Variants in UNC13B observed in about 807,000 individuals in gnomAD.
The protein encoded by UNC13B is protein unc-13 homolog B.
UNC13B carries 144 observed loss-of-function variants against 211.0 expected under a neutral mutation model. The ratio of observed to expected loss-of-function variants is 0.68; its 90% CI spans 0.60 to 0.78. UNC13B has a LOEUF of 0.78. Among genes scored for constraint, UNC13B ranks in the 30% least tolerant of loss-of-function variants. UNC13B has a pLI of 0.00. For synonymous variants in UNC13B, 709 were observed against 725.8 expected (o/e 0.98, Z 0.37); for missense variants, 1,777 against 2,002.0 (o/e 0.89, Z 2.14).
chr9:35,259,240 G>C (rs140429301), intron 7 of UNC13B, among the ~76,000 whole-genome samples, 190 bp downstream of exon 7: 4 of 152,032 alleles, frequency 2.6e-5, no homozygotes, highest in Admixed American at 2.6e-4. Context: ...GACGTTTTTC[G>C]GTTTTGTATG....
At chr9:35,398,443 C>A in intron 31 of UNC13B, 111 bp from the exon 32 acceptor site, 3 of 1,357,728 alleles carry the variant, frequency 2.2e-6, no homozygotes, top group South Asian at 1.3e-5. Flanking sequence ...TAAGGCCCTG[C>A]GAGGGAGGAA....
chr9:35,377,383 C>A, intron 15 of UNC13B, 85 bp from the exon 16 acceptor site: 2 of 1,399,232 alleles, frequency 1.4e-6, no homozygotes, highest in Non-Finnish European at 2.0e-6. Context: ...AGTTTCTCCA[C>A]TGCTCTGCAG....
intron 5 of UNC13B, among the ~76,000 whole-genome samples, chr9:35,241,968 T>G (rs1177736792): frequency 6.6e-6 from 1 of 152,182 alleles, no homozygotes; most frequent in Admixed American, 6.5e-5. Context: ...AAGGGCTATA[T>G]TTGCTTTATT....
Position 35,397,147 on chromosome 9 carries a change from C to T in UNC13B, c.11533-20C>T. 1.7e-5 allele frequency: 28 copies of T among 1,613,040 alleles called. No homozygotes were observed. The highest frequency in any genetic ancestry group is 2.3e-5 in the Non-Finnish European group (27 of 1,179,178). On this transcript the variant is annotated intron_variant, in intron 28 of 39. Transcript: ENST00000635942. ...AAGATAGCAGCTGTGGATGGTGACC[C>T]TGTGTGTGGTCTTCCTTAGTTCCAG... is the stretch of plus-strand genomic sequence containing the variant.
intron 13 of UNC13B, among the ~76,000 whole-genome samples, chr9:35,371,670 G>C (rs773163539): frequency 9.9e-5 from 15 of 151,544 alleles, no homozygotes; most frequent in Non-Finnish European, 2.1e-4. Flanking sequence ...CAAGTATCTA[G>C]TTTATTTCTT....
At chr9:35,276,168 T>C (rs1450872543) in intron 7 of UNC13B, among the ~76,000 whole-genome samples, 1 of 151,786 alleles carries the variant, frequency 6.6e-6, no homozygotes, top group Non-Finnish European at 1.5e-5. Flanking sequence ...TAGCCTGGTG[T>C]GGTGGTGTGT....
At chr9:35,288,923 A>AT (rs5897597) in intron 7 of UNC13B, among the ~76,000 whole-genome samples, 4 of 150,764 alleles carry the variant, frequency 2.7e-5, no homozygotes, top group Middle Eastern at 3.2e-3. Flanking sequence ...GTTCTATGTG[A>AT]TTTTTTTTTT....
chr9:35,255,103 A>G (rs982200390), intron 6 of UNC13B, among the ~76,000 whole-genome samples: 1 of 130,326 alleles, frequency 7.7e-6, no homozygotes, highest in Non-Finnish European at 1.6e-5. Context: ...TATTATATAT[A>G]TTTTTTCTTA....
intron 1 of UNC13B, among the ~76,000 whole-genome samples, chr9:35,204,061 C>T (rs1306183394): frequency 6.6e-6 from 1 of 152,250 alleles, no homozygotes; most frequent in Non-Finnish European, 1.5e-5. Context: ...GAGCACTGCT[C>T]TGTGCATCCT....
chr9:35,306,560 T>A lies in UNC13B; in HGVS notation c.7156T>A (p.Phe2386Ile). The change falls in exon 9 of 40, where the codon TTC (phenylalanine) becomes ATC (isoleucine). Residue 2386 changes from phenylalanine to isoleucine, a missense_variant. By Grantham distance (21) the Phe-to-Ile change is conservative. Transcript: ENST00000635942. ...ACATGCTAAACAGTTAATTGAAAAATTCAATGATTTAGACACTTGTACTAA... is the reference window on the plus strand; with the variant it reads ...ACATGCTAAACAGTTAATTGAAAAAATCAATGATTTAGACACTTGTACTAA... ...FSHAKQLIEK[F>I]NDLDTCTNCH... 2.5e-6 allele frequency: 1 copy of A among 398,916 alleles called. No individual in the cohort carries two copies. The highest frequency in any genetic ancestry group is 4.4e-6 in the Non-Finnish European group (1 of 226,026). 24.7% of individuals were successfully genotyped at this position (398,916 alleles called of 1,614,324 possible). A position where few individuals can be genotyped will look rare whatever the true frequency, so the allele number is the denominator to read the frequency against.
chr9:35,359,455 C>T (rs1587693572), intron 11 of UNC13B, among the ~76,000 whole-genome samples: 1 of 152,206 alleles, frequency 6.6e-6, no homozygotes, highest in East Asian at 1.9e-4. Context: ...ACCCAAACAT[C>T]TTCCATGAAC....
chr9:35,342,386 AG>A, intron 11 of UNC13B: 2 of 984,424 alleles, frequency 2.0e-6, no homozygotes, highest in Non-Finnish European at 2.4e-6. Flanking sequence ...AACAACAAGC[AG>A]GGCAAAAGGA....
intron 25 of UNC13B, among the ~76,000 whole-genome samples, chr9:35,390,385 C>T (rs1835457417): frequency 6.6e-6 from 1 of 152,240 alleles, no homozygotes; most frequent in Non-Finnish European, 1.5e-5. Context: ...TCTCAATTCC[C>T]TGCCTTCTGG....
In UNC13B at chr9:35,310,736, C is replaced by T. The variant is rs1411729627; in HGVS notation, c.9278C>T (p.Pro3093Leu). 1.5e-5 allele frequency: 24 copies of T among 1,613,858 alleles called. No homozygotes were observed. Among genetic ancestry groups the T allele is most frequent in the African/African-American group, 2.7e-5 (2 of 74,900 alleles). Residue 3093 changes from proline to leucine, a missense_variant, in exon 10 of 40, where the codon CCA becomes CTA. By Grantham distance (98) the Pro-to-Leu change is moderately conservative. Transcript: ENST00000635942. ...GAAGATGCCACAACCCACCCTCCCCCAGATCTGGTGCTGCAAAAAGACCAC... is the reference window on the plus strand; with the variant it reads ...GAAGATGCCACAACCCACCCTCCCCTAGATCTGGTGCTGCAAAAAGACCAC... ...MKEDATTHPP[P>L]DLVLQKDHFL...
chr9:35,333,493 C>G (rs1444463213), intron 11 of UNC13B, among the ~76,000 whole-genome samples: 5 of 152,184 alleles, frequency 3.3e-5, no homozygotes, highest in African/African-American at 1.2e-4. Flanking sequence ...TAGAGCAGGG[C>G]ATGGTGTGTT....
At position 35,202,022 on chromosome 9, in the gene UNC13B, G is replaced by A. The variant is rs187008079; in HGVS notation, c.23-25993G>A. 8.4e-3 allele frequency among the ~76,000 whole-genome samples: 1,285 copies of A among 152,238 alleles called. 10 individuals carry two copies. Among genetic ancestry groups the A allele is most frequent in the Non-Finnish European group, 0.014 (953 of 68,004 alleles). ...CACATTGCTTTAAATGTGTACCAGA[G>A]ATTCTGGTATGTTGTGTCTTTGTTC... is the stretch of plus-strand genomic sequence containing the variant. On this transcript the variant is annotated intron_variant, in intron 1 of 39. Coordinates refer to ENST00000635942, the MANE Select transcript of UNC13B (RefSeq NM_001371189.2).
At position 35,231,184 on chromosome 9, in the gene UNC13B, T is replaced by C. The variant is rs1441197913; in HGVS notation, c.117T>C (p.Arg39=). 1 of 1,613,504 alleles carries C rather than the reference T, an allele frequency of 6.2e-7. No homozygotes were observed. Among genetic ancestry groups the C allele is most frequent in the South Asian group, 1.1e-5 (1 of 91,050 alleles). ...TGAAGAGCACAACTGTAGCAGTTCG[T>C]GGTGATCAGCCTTCCTGGGAACAGG... The part of the protein sequence containing the change: ...QNVKSTTVAV[R]GDQPSWEQDF... The change falls in exon 3 of 40, where the codon CGT becomes CGC. Residue 39 remains arginine, a synonymous_variant. Coordinates refer to ENST00000635942, the MANE Select transcript of UNC13B (RefSeq NM_001371189.2).
intron 3 of UNC13B, among the ~76,000 whole-genome samples, chr9:35,235,621 T>C (rs942377681): frequency 6.6e-6 from 1 of 152,126 alleles, no homozygotes; most frequent in Non-Finnish European, 1.5e-5. Flanking sequence ...GTATTTTTAG[T>C]AGAGACAGGG....
intron 4 of UNC13B, 138 bp downstream of exon 4, chr9:35,236,724 C>T (rs1423430006): frequency 1.3e-6 from 1 of 783,400 alleles, no homozygotes; most frequent in Non-Finnish European, 2.1e-6. Context: ...ATGCAACCTG[C>T]CTGTTCCTAA....
Sources: allele counts gnomAD v4.1 joint callset (sites outside exome capture counted in the v4.1 genomes callset), GRCh38; gene constraint gnomAD v4.1.1; transcripts MANE v1.5; gene names NCBI Gene and HGNC (gene_info 2026-07-23, HGNC 2026-07-21).